The following IQANK1 variants were observed in gnomAD, a reference collection of about 807,000 sequenced individuals.
IQANK1 encodes the protein IQ motif and ankyrin repeat domain-containing protein 1.
A neutral mutation model predicts 22.6 loss-of-function variants in IQANK1; 30 were observed. The ratio of observed to expected loss-of-function variants is 1.33; its 90% CI spans 0.99 to 1.80. The LOEUF is 1.80. Among genes scored for constraint, IQANK1 ranks in the 40% most tolerant of loss-of-function variants. The probability of loss-of-function intolerance (pLI) is 0.00; values close to 1 mark genes in which losing one functional copy is unlikely to be tolerated. For synonymous variants in IQANK1, 122 were observed against 99.6 expected (o/e 1.23, Z -1.34); for missense variants, 275 against 235.2 (o/e 1.17, Z -1.11).
At chr8:143,773,310 A>C (rs1383741130) in intron 7 of IQANK1, among the ~76,000 whole-genome samples, 11 of 125,940 alleles carry the variant, frequency 8.7e-5, no homozygotes, top group Admixed American at 1.5e-4. Flanking sequence ...CAAAAAAAAA[A>C]AAAAAACAAA....
chr8:143,741,743 G>A (rs1554626524), intron 3 of IQANK1: 1 of 153,090 alleles, frequency 6.5e-6, no homozygotes, highest in African/African-American at 2.4e-5. Context: ...AGCGCTTTCT[G>A]TGCCGCAGGG....
intron 3 of IQANK1, among the ~76,000 whole-genome samples, chr8:143,749,217 C>G (rs1239617079): frequency 8.7e-6 from 1 of 115,430 alleles, no homozygotes; most frequent in South Asian, 2.5e-4. Flanking sequence ...TCATATATAT[C>G]ATATATAAAT....
Position 143,775,128 on chromosome 8 carries a change from A to G in IQANK1, c.789+2646A>G, listed in dbSNP as rs1329434247. Among the ~76,000 whole-genome samples the G allele has an allele frequency of 4.0e-5, 6 of 151,160 alleles. No individual in the cohort carries two copies. In the East Asian group the frequency reaches 9.8e-4, roughly 25 times the overall value. On this transcript the variant is annotated intron_variant, in intron 7 of 13. Transcript: ENST00000527139. ...TTGTAATGATACACACACACACACG[A>G]GTAGATGTGAAATAGTTGAAATCCA...
chr8:143,741,724 C>T lies in IQANK1; in HGVS notation c.175+1776C>T, dbSNP rs527371701. On this transcript the variant is annotated intron_variant, in intron 3 of 13. Coordinates refer to ENST00000527139, the MANE Select transcript of IQANK1 (RefSeq NM_001381874.1). Reference sequence around the variant, plus strand: ...GACATGCCTTCGGAGGAGTCCATGCCGCTGACTCAGCGCTTTCTGTGCCGC... The same window carrying T: ...GACATGCCTTCGGAGGAGTCCATGCTGCTGACTCAGCGCTTTCTGTGCCGC... 57 of 153,184 alleles carry T rather than the reference C, an allele frequency of 3.7e-4. No individual in the cohort carries two copies. The East Asian group carries it at 5.6e-3, about 15-fold the overall frequency. The allele number at this position is 153,184 out of a possible 1,614,324, so 9.5% of individuals were successfully genotyped here.
chr8:143,739,794 T>G (rs1300506061), intron 2 of IQANK1, 65 bp from the exon 3 acceptor site: 1 of 639,664 alleles, frequency 1.6e-6, no homozygotes, highest in Admixed American at 2.3e-5. Flanking sequence ...CCCATAAGTG[T>G]CTCTTGAGGC....
intron 3 of IQANK1, among the ~76,000 whole-genome samples, chr8:143,756,132 T>C (rs1483508108): frequency 6.6e-6 from 1 of 152,180 alleles, no homozygotes; most frequent in African/African-American, 2.4e-5. Context: ...ACATCCTCTT[T>C]CCCAGATATG....
Position 143,789,871 on chromosome 8 carries a change from T to C in IQANK1, c.1195+2T>C. The C allele has an allele frequency of 8.1e-7, 1 of 1,231,690 alleles. No homozygotes were observed. Among genetic ancestry groups the C allele is most frequent in the South Asian group, 4.1e-5 (1 of 24,300 alleles). 76.3% of individuals were successfully genotyped at this position (1,231,690 alleles called of 1,614,324 possible). On this transcript the variant is annotated splice_donor_variant, in intron 11 of 13. Coordinates refer to ENST00000527139, the MANE Select transcript of IQANK1 (RefSeq NM_001381874.1). LOFTEE classifies it high-confidence loss of function. Reference sequence around the variant, plus strand: ...AGCTTCGGGAGCAGACGCAGGAGGGTGGGCCTGGCATGGGGCGCCGGCTGG... The same window carrying C: ...AGCTTCGGGAGCAGACGCAGGAGGGCGGGCCTGGCATGGGGCGCCGGCTGG...
intron 2 of IQANK1, among the ~76,000 whole-genome samples, chr8:143,736,434 A>G (rs1818740880): frequency 2.0e-5 from 3 of 151,994 alleles, no homozygotes; most frequent in Admixed American, 6.5e-5. Context: ...CTTGAGCCAC[A>G]TGCCCGGCCA....
intron 7 of IQANK1, among the ~76,000 whole-genome samples, chr8:143,783,120 A>G (rs1819826469): frequency 6.6e-6 from 1 of 152,246 alleles, no homozygotes; most frequent in Non-Finnish European, 1.5e-5. Context: ...GGTTATAATG[A>G]TGCTGCTATG....
At chr8:143,754,727 G>C (rs527727876) in intron 3 of IQANK1, among the ~76,000 whole-genome samples, 1 of 152,190 alleles carries the variant, frequency 6.6e-6, no homozygotes, top group South Asian at 2.1e-4. Context: ...CTGGGTTCAC[G>C]ACATTCTCCT....
chr8:143,762,927 C>A (rs1368961548), intron 3 of IQANK1, among the ~76,000 whole-genome samples: 5 of 151,220 alleles, frequency 3.3e-5, no homozygotes, highest in African/African-American at 4.9e-5. Context: ...AAATTCATGA[C>A]CCTCCCTCTT....
chr8:143,789,834 T>C lies in IQANK1; in HGVS notation c.1160T>C (p.Met387Thr), dbSNP rs1055223236. 2 of 1,232,154 alleles carry C rather than the reference T, an allele frequency of 1.6e-6. No homozygotes were observed. The highest frequency in any genetic ancestry group is 1.0e-6 in the Non-Finnish European group (1 of 988,154). The allele number at this position is 1,232,154 out of a possible 1,614,324, so 76.3% of individuals were successfully genotyped here. The change falls in exon 11 of 14, where the codon ATG becomes ACG. Residue 387 changes from methionine (M) to threonine (T), a missense_variant. Transcript: ENST00000527139. The part of the protein sequence containing the change: ...EAQKAEEALA[M>T]ARLELREQTQ... ...CAGAAGGCCGAGGAGGCGCTGGCTA[T>C]GGCCAGGCTGGAGCTTCGGGAGCAG...
rs1239351211 is a variant in IQANK1 at position 143,790,524 on chromosome 8, C to G, written c.1599C>G (p.Phe533Leu). The G allele has an allele frequency of 9.9e-6, 4 of 402,030 alleles. No individual in the cohort carries two copies. Among genetic ancestry groups the G allele is most frequent in the Admixed American group, 4.4e-5 (1 of 22,728 alleles). The allele number at this position is 402,030 out of a possible 1,614,324, so 24.9% of individuals were successfully genotyped here. ...EQRLEHFRLF[F>L]VTKVQWPPAE... is the part of the protein sequence containing the mutation. ...GGCTGGAGCACTTCCGCCTCTTTTT[C>G]GTCACCAAGGTCCAGTGGCCGCCAG... is the stretch of plus-strand genomic sequence containing the variant. The change falls in exon 14 of 14, where the codon TTC (phenylalanine) becomes TTG (leucine). Residue 533 changes from phenylalanine to leucine, a missense_variant. Coordinates refer to ENST00000527139, the MANE Select transcript of IQANK1 (RefSeq NM_001381874.1).
intron 3 of IQANK1, among the ~76,000 whole-genome samples, chr8:143,740,389 C>T (rs1430009429): frequency 6.6e-6 from 1 of 152,216 alleles, no homozygotes; most frequent in Non-Finnish European, 1.5e-5. Context: ...TCCGACCCTG[C>T]GCTGTTCCCG....
chr8:143,751,542 G>T (rs1328763904), intron 3 of IQANK1, among the ~76,000 whole-genome samples: 1 of 149,814 alleles, frequency 6.7e-6, no homozygotes, highest in Non-Finnish European at 1.5e-5. Context: ...AACCTGGGAG[G>T]CAGAGGTGGC....
rs1210115807 is a variant in IQANK1 at position 143,771,429 on chromosome 8, G to A, written c.176-59G>A. ...GGGCGGGGCCGGCTCCACTCCCAGG[G>A]GCGCAGCAGGCGTGGCTGGAGGCGA... On this transcript the variant is annotated intron_variant, in intron 3 of 13. Coordinates refer to ENST00000527139, the MANE Select transcript of IQANK1 (RefSeq NM_001381874.1). The surrounding 1 kb of genome is among the most constrained non-coding windows in gnomAD (Gnocchi z 6.0). The A allele has an allele frequency of 2.5e-6, 1 of 396,336 alleles. No homozygotes were observed. Among genetic ancestry groups the A allele is most frequent in the African/African-American group, 2.1e-5 (1 of 48,594 alleles). 24.6% of individuals were successfully genotyped at this position (396,336 alleles called of 1,614,324 possible).
chr8:143,749,496 A>G (rs1554627790), intron 3 of IQANK1, among the ~76,000 whole-genome samples: 1 of 132,582 alleles, frequency 7.5e-6, no homozygotes, highest in African/African-American at 3.2e-5. Context: ...ATATAAATAT[A>G]TATCATATAA....
chr8:143,782,217 A>C (rs782348227), intron 7 of IQANK1, among the ~76,000 whole-genome samples: 12 of 152,184 alleles, frequency 7.9e-5, no homozygotes, highest in Non-Finnish European at 1.5e-4. Context: ...TTTTGGGCTA[A>C]GACTATGGGG....
In IQANK1 at chr8:143,775,230, T is replaced by TG. The variant is rs1819659759; in HGVS notation, c.789+2753dup. 2.0e-5 allele frequency among the ~76,000 whole-genome samples: 3 copies of TG among 152,040 alleles called. No individual in the cohort carries two copies. In the South Asian group the frequency reaches 6.2e-4, roughly 32 times the overall value. ...CCGTAATTATGTAAGAAGTCATCAT[T>TG]GGGGGAGCTTGTTAAGGGTATATGG... On this transcript the variant is annotated intron_variant, in intron 7 of 13. Coordinates refer to ENST00000527139, the MANE Select transcript of IQANK1 (RefSeq NM_001381874.1).
Sources: allele counts gnomAD v4.1 joint callset (sites outside exome capture counted in the v4.1 genomes callset), GRCh38; gene constraint gnomAD v4.1.1; non-coding constraint Gnocchi (gnomAD v3.1); transcripts MANE v1.5; gene names NCBI Gene and HGNC (gene_info 2026-07-23, HGNC 2026-07-21).